Variants in KIRREL3 observed in about 807,000 individuals in gnomAD.
KIRREL3 encodes the protein kin of IRRE-like protein 3.
KIRREL3 carries 36 observed loss-of-function variants against 89.7 expected under a neutral mutation model. That is an observed-to-expected ratio of 0.40 (90% confidence interval 0.31 to 0.53). KIRREL3 has a LOEUF of 0.53. Among genes scored for constraint, KIRREL3 ranks in the 20% least tolerant of loss-of-function variants. KIRREL3 has a pLI of 0.49. For synonymous variants in KIRREL3, 445 were observed against 441.4 expected, an observed-to-expected ratio of 1.01 and a Z score of -0.10; for missense variants, 864 against 1,056.6, an observed-to-expected ratio of 0.82 and a Z score of 2.53.
At chr11:126,789,113 G>T (rs1187533758) in intron 1 of KIRREL3, among the ~76,000 whole-genome samples, 2 of 152,182 alleles carry the variant, frequency 1.3e-5, no homozygotes, top group South Asian at 2.1e-4. Context: ...CTCTTTAGGG[G>T]CATGGACTAC....
Position 126,607,683 on chromosome 11 carries a change from C to G in KIRREL3, c.56-44771G>C, listed in dbSNP as rs1384997166. Reference sequence around the variant, plus strand: ...GCGAGGACAAAACAAAGCTTCCCTACTGCAAGAGCTTTATCTGGGTCCCTG... The same window carrying G: ...GCGAGGACAAAACAAAGCTTCCCTAGTGCAAGAGCTTTATCTGGGTCCCTG... On this transcript the variant is annotated intron_variant, in intron 1 of 16. Transcript: ENST00000525144. The surrounding 1 kb of genome is among the most constrained non-coding windows in gnomAD (Gnocchi z 6.6). Among the ~76,000 whole-genome samples, 1 of 152,196 alleles carries G rather than the reference C, an allele frequency of 6.6e-6. No homozygotes were observed. Among genetic ancestry groups the G allele is most frequent in the Non-Finnish European group, 1.5e-5 (1 of 68,034 alleles).
chr11:126,479,780 G>C (rs149300541), intron 4 of KIRREL3, among the ~76,000 whole-genome samples: 13 of 152,280 alleles, frequency 8.5e-5, no homozygotes, highest in African/African-American at 2.9e-4. Flanking sequence ...GGAGTTACAC[G>C]ATCTTGTTTC....
rs1182197758 is a variant in KIRREL3 at position 126,977,963 on chromosome 11, G to A, written c.55+22492C>T. On this transcript the variant is annotated intron_variant, in intron 1 of 16. Coordinates refer to ENST00000525144, the MANE Select transcript of KIRREL3 (RefSeq NM_032531.4). The surrounding 1 kb of genome is among the most constrained non-coding windows in gnomAD (Gnocchi z 4.7). ...TCCTTTTTCTTGGTGTCCTCACTCA[G>A]TTTCTGGGCACGACATGTCCCACTC... 1.3e-5 allele frequency among the ~76,000 whole-genome samples: 2 copies of A among 152,112 alleles called. No individual in the cohort carries two copies. Among genetic ancestry groups the A allele is most frequent in the Non-Finnish European group, 2.9e-5 (2 of 68,034 alleles).
rs989539856 is a variant in KIRREL3 at position 126,476,412 on chromosome 11, G to A, written c.434-2946C>T. 6.6e-6 allele frequency among the ~76,000 whole-genome samples: 1 copy of A among 152,136 alleles called. No individual in the cohort carries two copies. Among genetic ancestry groups the A allele is most frequent in the Admixed American group, 6.5e-5 (1 of 15,284 alleles). On this transcript the variant is annotated intron_variant, in intron 4 of 16. Transcript: ENST00000525144. This position sits in a 1 kb window ranked among gnomAD's most constrained non-coding sequence, Gnocchi z 6.4. ...CCCGAGAATCCAAGACCCAGAGGAC[G>A]GGCCCTTCCTCCTTGTGGCTGGAGT...
chr11:126,439,481 C>T (rs1426162006), intron 11 of KIRREL3, among the ~76,000 whole-genome samples: 1 of 21,882 alleles, frequency 4.6e-5, no homozygotes, highest in Non-Finnish European at 8.3e-5. Context: ...GCTGGGATTA[C>T]AGACATGAGG....
rs947948 is a variant in KIRREL3 at position 126,524,274 on chromosome 11, G to A, written c.283+2264C>T. ...TAGGATAATCTATGTAAAGTGCCTG[G>A]CACATTGTAAGTAGTCTATAAATGC... On this transcript the variant is annotated intron_variant, in intron 3 of 16. Coordinates refer to ENST00000525144, the MANE Select transcript of KIRREL3 (RefSeq NM_032531.4). 5.6e-4 allele frequency among the ~76,000 whole-genome samples: 86 copies of A among 152,220 alleles called. 1 individual carries two copies. The South Asian group carries it at 0.017, about 31-fold the overall frequency.
In KIRREL3 at chr11:126,703,137, G is replaced by A. The variant is rs1270214803; in HGVS notation, c.56-140225C>T. ...AGGTGGGGGTGGCTGGGCTGGGGCA[G>A]GAGACACTGTAAAGAGCCAGTAGGC... is the stretch of plus-strand genomic sequence containing the variant. On this transcript the variant is annotated intron_variant, in intron 1 of 16. Coordinates refer to ENST00000525144, the MANE Select transcript of KIRREL3 (RefSeq NM_032531.4). This position sits in a 1 kb window ranked among gnomAD's most constrained non-coding sequence, Gnocchi z 4.6. Among the ~76,000 whole-genome samples the A allele has an allele frequency of 2.0e-5, 3 of 152,222 alleles. No individual in the cohort carries two copies. The highest frequency in any genetic ancestry group is 4.4e-5 in the Non-Finnish European group (3 of 68,024).
Position 126,608,784 on chromosome 11 carries a change from G to A in KIRREL3, c.56-45872C>T, listed in dbSNP as rs757611473. Among the ~76,000 whole-genome samples, 11 of 152,216 alleles carry A rather than the reference G, an allele frequency of 7.2e-5. No individual in the cohort carries two copies. The highest frequency in any genetic ancestry group is 1.6e-4 in the Non-Finnish European group (11 of 68,038). On this transcript the variant is annotated intron_variant, in intron 1 of 16. Coordinates refer to ENST00000525144, the MANE Select transcript of KIRREL3 (RefSeq NM_032531.4). This position sits in a 1 kb window ranked among gnomAD's most constrained non-coding sequence, Gnocchi z 4.9. ...TGGCAAACTGCTAACTGGCACAGGT[G>A]ACTTGCATTTCCTGGGGCCTAACTG...
In KIRREL3 at chr11:126,924,005, A is replaced by G. The variant is rs1947586963; in HGVS notation, c.55+76450T>C. 6.6e-6 allele frequency among the ~76,000 whole-genome samples: 1 copy of G among 152,204 alleles called. No homozygotes were observed. The highest frequency in any genetic ancestry group is 1.5e-5 in the Non-Finnish European group (1 of 68,038). On this transcript the variant is annotated intron_variant, in intron 1 of 16. Coordinates refer to ENST00000525144, the MANE Select transcript of KIRREL3 (RefSeq NM_032531.4). This position sits in a 1 kb window ranked among gnomAD's most constrained non-coding sequence, Gnocchi z 4.7. Reference sequence around the variant, plus strand: ...AAGCCAGAGGCTAGAGCATCATCCAAGGCTTCCCCATTTCCCTTAGCCCCT... The same window carrying G: ...AAGCCAGAGGCTAGAGCATCATCCAGGGCTTCCCCATTTCCCTTAGCCCCT...
intron 4 of KIRREL3, among the ~76,000 whole-genome samples, chr11:126,517,133 AGAAAGAGAGAGAGAG>A (rs1958436314): frequency 8.0e-6 from 1 of 124,526 alleles, no homozygotes; most frequent in African/African-American, 3.2e-5. Flanking sequence ...AGAGAGAGAG[AGAAAGAGAGAGAGAG>A]AGAGAGAGAG....
intron 1 of KIRREL3, among the ~76,000 whole-genome samples, chr11:126,799,607 T>A (rs576435632): frequency 6.7e-6 from 1 of 150,226 alleles, no homozygotes; most frequent in South Asian, 2.1e-4. Context: ...GAACTCATCA[T>A]TCTGCAGAAA....
At chr11:126,538,784 TG>T (rs1938125064) in intron 2 of KIRREL3, among the ~76,000 whole-genome samples, 1 of 152,090 alleles carries the variant, frequency 6.6e-6, no homozygotes, top group Non-Finnish European at 1.5e-5. Context: ...AGGTTGGGTG[TG>T]GGGTGTGCAG....
intron 1 of KIRREL3, among the ~76,000 whole-genome samples, chr11:126,815,078 T>A (rs1565320810): frequency 1.3e-5 from 2 of 151,992 alleles, no homozygotes; most frequent in Non-Finnish European, 2.9e-5. Context: ...TGTAAAGCTT[T>A]AAAAAAAAGA....
chr11:126,638,388 T>G (rs1944345172), intron 1 of KIRREL3, among the ~76,000 whole-genome samples: 1 of 152,218 alleles, frequency 6.6e-6, no homozygotes, highest in Non-Finnish European at 1.5e-5. Context: ...AAGTCAGTCC[T>G]CTCCTTAGGG....
chr11:126,951,637 C>T (rs1212201450), intron 1 of KIRREL3, among the ~76,000 whole-genome samples: 1 of 152,186 alleles, frequency 6.6e-6, no homozygotes, highest in African/African-American at 2.4e-5. Flanking sequence ...GAAATGCATG[C>T]CTACTTCCTC....
intron 1 of KIRREL3, among the ~76,000 whole-genome samples, chr11:126,593,097 G>T (rs1942228150): frequency 6.6e-6 from 1 of 152,110 alleles, no homozygotes; most frequent in Admixed American, 6.5e-5. Flanking sequence ...TCTCCAATAG[G>T]AAAAAAGCCA....
intron 1 of KIRREL3, among the ~76,000 whole-genome samples, chr11:126,971,682 C>A (rs1010128124): frequency 1.3e-5 from 2 of 152,192 alleles, no homozygotes; most frequent in African/African-American, 4.8e-5. Context: ...AGGGAAGGAA[C>A]TTGTCATAAA....
intron 1 of KIRREL3, among the ~76,000 whole-genome samples, chr11:126,804,399 A>G (rs982886077): frequency 6.6e-6 from 1 of 152,182 alleles, no homozygotes; most frequent in African/African-American, 2.4e-5. Context: ...TTTCTTCCTA[A>G]AATACATAAG....
intron 1 of KIRREL3, among the ~76,000 whole-genome samples, chr11:126,942,305 G>A (rs139666008): frequency 2.5e-3 from 379 of 152,222 alleles, no homozygotes; most frequent in Non-Finnish European, 3.7e-3. Flanking sequence ...CCTGGCACAC[G>A]GTAAACACTG....
Sources: allele counts gnomAD v4.1 joint callset (sites outside exome capture counted in the v4.1 genomes callset), GRCh38; gene constraint gnomAD v4.1.1; non-coding constraint Gnocchi (gnomAD v3.1); transcripts MANE v1.5; gene names NCBI Gene and HGNC (gene_info 2026-07-23, HGNC 2026-07-21).